NRXN3: variants seen among roughly 807,000 people sequenced by gnomAD.
The protein encoded by NRXN3 is neurexin 3.
Under a neutral mutation model 137.6 loss-of-function variants are expected in NRXN3, and 32 were observed. That is an observed-to-expected ratio of 0.23 (90% CI 0.18 to 0.31). The LOEUF is 0.31. Among genes scored for constraint, NRXN3 ranks in the 10% least tolerant of loss-of-function variants. NRXN3 has a pLI of 1.00. For synonymous variants in NRXN3, 798 were observed against 784.5 expected (o/e 1.02, Z -0.29); for missense variants, 1,574 against 2,062.5 (o/e 0.76, Z 4.59).
In NRXN3 at chr14:79,358,429, C is replaced by A. The variant is rs78130377; in HGVS notation, c.3263-108792C>A. Among the ~76,000 whole-genome samples, 1,206 of 151,518 alleles carry A rather than the reference C, an allele frequency of 8.0e-3. 25 individuals carry two copies. The highest frequency in any genetic ancestry group is 0.079 in the South Asian group (377 of 4,794). ...ACTAAAAATACAGAAACAAAATCAG[C>A]CAGGCATGGTGGCGGGCGCCTGTAG... On this transcript the variant is annotated intron_variant, in intron 15 of 20. Transcript: ENST00000335750.
At chr14:79,860,975 C>T (rs1490405409) in intron 20 of NRXN3, 11 of 923,324 alleles carry the variant, frequency 1.2e-5, no homozygotes, top group Middle Eastern at 2.2e-4. Flanking sequence ...CTGTGAATGA[C>T]GTTGGTTGAG....
At chr14:78,335,425 A>G (rs2081347134) in intron 4 of NRXN3, among the ~76,000 whole-genome samples, 1 of 152,250 alleles carries the variant, frequency 6.6e-6, no homozygotes, top group Non-Finnish European at 1.5e-5. Context: ...CTTGAGGGCC[A>G]GGACTCTGCC....
chr14:78,327,767 A>G (rs909363656), intron 4 of NRXN3, among the ~76,000 whole-genome samples: 1 of 152,196 alleles, frequency 6.6e-6, no homozygotes, highest in Admixed American at 6.5e-5. Flanking sequence ...TATATACTAC[A>G]TCAGGCGGTG....
intron 15 of NRXN3, among the ~76,000 whole-genome samples, chr14:79,107,175 A>G (rs1199205598): frequency 1.3e-5 from 2 of 152,180 alleles, no homozygotes; most frequent in South Asian, 4.1e-4. Flanking sequence ...AAAAAACACC[A>G]TAAAGTTCAT....
At chr14:79,845,158 C>A (rs1057156817) in intron 20 of NRXN3, among the ~76,000 whole-genome samples, 3 of 152,148 alleles carry the variant, frequency 2.0e-5, no homozygotes, top group African/African-American at 7.2e-5. Context: ...GGGCCTTTCT[C>A]TGCATTAGGG....
intron 16 of NRXN3, among the ~76,000 whole-genome samples, chr14:79,496,280 A>T (rs950027695): frequency 6.7e-6 from 1 of 150,364 alleles, no homozygotes; most frequent in African/African-American, 2.5e-5. Context: ...CACACACGAC[A>T]ACTGTGAGCT....
intron 16 of NRXN3, among the ~76,000 whole-genome samples, chr14:79,659,050 C>T (rs369240070): frequency 1.3e-5 from 2 of 152,220 alleles, no homozygotes. Flanking sequence ...TAGGTCAGCA[C>T]CAATAACTGC....
chr14:78,994,745 T>C (rs769377120), intron 15 of NRXN3, among the ~76,000 whole-genome samples: 22 of 152,192 alleles, frequency 1.4e-4, no homozygotes, highest in Admixed American at 3.3e-4. Flanking sequence ...TCCTGAAACT[T>C]TGGTGTAACA....
chr14:78,421,275 A>G (rs11332621), intron 4 of NRXN3, among the ~76,000 whole-genome samples: 4 of 148,736 alleles, frequency 2.7e-5, no homozygotes, highest in South Asian at 2.2e-4. Context: ...AAAAAAAAAA[A>G]GAAAAAAAAG....
At chr14:79,459,189 T>G (rs974519605) in intron 15 of NRXN3, among the ~76,000 whole-genome samples, 11 of 152,116 alleles carry the variant, frequency 7.2e-5, no homozygotes, top group Admixed American at 4.6e-4. Context: ...ATAGCTTCCC[T>G]CATCTTTAAA....
At chr14:79,342,946 G>C (rs2092685621) in intron 15 of NRXN3, among the ~76,000 whole-genome samples, 1 of 152,154 alleles carries the variant, frequency 6.6e-6, no homozygotes, top group South Asian at 2.1e-4. Flanking sequence ...AGTTTTTCAA[G>C]ATAATTTGGC....
At chr14:78,532,150 C>CAAAAAAAAAAAAAAA (rs386381910) in intron 4 of NRXN3, among the ~76,000 whole-genome samples, 3 of 121,296 alleles carry the variant, frequency 2.5e-5, no homozygotes, top group African/African-American at 3.3e-5. Flanking sequence ...ACTAAAAATA[C>CAAAAAAAAAAAAAAA]AAAAAAAAAA....
At chr14:78,779,604 A>G (rs2098761385) in intron 8 of NRXN3, among the ~76,000 whole-genome samples, 1 of 152,194 alleles carries the variant, frequency 6.6e-6, no homozygotes, top group Non-Finnish European at 1.5e-5. Context: ...TAGAATTAAA[A>G]ATAATTTCCA....
intron 6 of NRXN3, among the ~76,000 whole-genome samples, chr14:78,677,464 A>G (rs2098020757): frequency 6.6e-6 from 1 of 152,020 alleles, no homozygotes; most frequent in Non-Finnish European, 1.5e-5. Context: ...TTAGGATATG[A>G]CTAAATTGAT....
At position 78,952,324 on chromosome 14, in the gene NRXN3, T is replaced by C. The variant is rs556603811; in HGVS notation, c.2276-4918T>C. 3.3e-5 allele frequency among the ~76,000 whole-genome samples: 5 copies of C among 152,300 alleles called. No individual in the cohort carries two copies. In the South Asian group the frequency reaches 1.0e-3, roughly 32 times the overall value. ...AAACACCTCCTCAATCTCTGTTGGGTTAGACACCCAAAGAAAGCAACCAGA... is the reference window on the plus strand; with the variant it reads ...AAACACCTCCTCAATCTCTGTTGGGCTAGACACCCAAAGAAAGCAACCAGA... On this transcript the variant is annotated intron_variant, in intron 10 of 20. Coordinates refer to ENST00000335750, the MANE Select transcript of NRXN3 (RefSeq NM_001330195.2).
chr14:79,173,901 A>C (rs1378838475), intron 15 of NRXN3, among the ~76,000 whole-genome samples: 6 of 152,208 alleles, frequency 3.9e-5, no homozygotes, highest in African/African-American at 9.6e-5. Context: ...AGGTGAAAGC[A>C]AAAAATGTAT....
chr14:78,489,885 A>G (rs1057190211), intron 4 of NRXN3, among the ~76,000 whole-genome samples: 4 of 151,212 alleles, frequency 2.6e-5, no homozygotes, highest in Non-Finnish European at 5.9e-5. Flanking sequence ...ATGCCACTCA[A>G]GAGCTCTCTG....
chr14:78,617,139 C>T (rs1437749431), intron 4 of NRXN3, among the ~76,000 whole-genome samples: 1 of 151,832 alleles, frequency 6.6e-6, no homozygotes, highest in Non-Finnish European at 1.5e-5. Flanking sequence ...TATTTTTTTT[C>T]CTGAAGAATA....
chr14:78,962,786 T>G (rs1026253339), intron 11 of NRXN3, among the ~76,000 whole-genome samples: 18 of 152,078 alleles, frequency 1.2e-4, no homozygotes, highest in Admixed American at 1.1e-3. Context: ...TGATGTCGAC[T>G]CACTGCAGCC....
Sources: gnomAD v4.1 joint callset for allele counts (sites outside exome capture counted in the v4.1 genomes callset) on GRCh38, gnomAD v4.1.1 for gene constraint, MANE v1.5 for transcripts, NCBI Gene and HGNC (gene_info 2026-07-23, HGNC 2026-07-21) for gene names.